Variants in CWF19L2 observed in about 807,000 individuals in gnomAD.
The protein encoded by CWF19L2 is CWF19-like protein 2.
Under a neutral mutation model 111.7 loss-of-function variants are expected in CWF19L2, and 98 were observed. That is an observed-to-expected ratio of 0.88 (90% confidence interval 0.75 to 1.04). The LOEUF (loss-of-function observed/expected upper bound fraction) is 1.04, where lower values mean the gene tolerates loss of function less well. CWF19L2 is among the 50% of genes least tolerant of loss of function. The pLI is 0.00. For missense variants in CWF19L2, 1,101 were observed against 1,051.4 expected (o/e 1.05, Z -0.65); for synonymous variants, 351 against 342.9 (o/e 1.02, Z -0.26).
intron 12 of CWF19L2, among the ~76,000 whole-genome samples, chr11:107,369,603 A>G (rs1860480327): frequency 7.2e-6 from 1 of 138,470 alleles, no homozygotes; most frequent in Non-Finnish European, 1.6e-5. Flanking sequence ...TGTATATTGC[A>G]TTATTTTGAT....
intron 3 of CWF19L2, among the ~76,000 whole-genome samples, chr11:107,447,412 C>T (rs1455985628): frequency 6.6e-6 from 1 of 152,222 alleles, no homozygotes; most frequent in South Asian, 2.1e-4. Context: ...AGAAAAATTA[C>T]CATGGAGAAA....
chr11:107,360,232 T>C (rs1263169830), intron 12 of CWF19L2, among the ~76,000 whole-genome samples: 1 of 152,214 alleles, frequency 6.6e-6, no homozygotes, highest in African/African-American at 2.4e-5. Flanking sequence ...TGTGCCCGAC[T>C]TGTTTCACTT....
chr11:107,349,266 T>C (rs1447554072), intron 13 of CWF19L2, among the ~76,000 whole-genome samples: 1 of 152,188 alleles, frequency 6.6e-6, no homozygotes, highest in Non-Finnish European at 1.5e-5. Flanking sequence ...TAGCTTTTAA[T>C]AAACTGAAAA....
chr11:107,404,101 TCCATGTGAGA>T, intron 10 of CWF19L2: 1 of 773,946 alleles, frequency 1.3e-6, no homozygotes, highest in Non-Finnish European at 2.4e-6. Flanking sequence ...TTCTCCTTTC[TCCATGTGAGA>T]CTGTCTCTGT....
At chr11:107,442,790 GGAAGGGAGGGAGGGAGGGA>G in intron 4 of CWF19L2, 130 bp downstream of exon 4, 13 of 278,450 alleles carry the variant, frequency 4.7e-5, no homozygotes, top group African/African-American at 3.3e-4. Flanking sequence ...AAGGAAGGAA[GGAAGGGAGGGAGGGAGGGA>G]GGGAGGGAGG....
Position 107,390,221 on chromosome 11 carries a change from A to T in CWF19L2, c.1735-10T>A, listed in dbSNP as rs1260826189. 1 of 1,577,498 alleles carries T rather than the reference A, an allele frequency of 6.3e-7. No homozygotes were observed. Among genetic ancestry groups the T allele is most frequent in the Non-Finnish European group, 8.6e-7 (1 of 1,162,602 alleles). ...CCTCATGGGTTGAAACCTATGACAA[A>T]ATGAACATTATTAATTTAATGAAAA... On this transcript the variant is annotated splice_polypyrimidine_tract_variant and intron_variant, in intron 11 of 17. Transcript: ENST00000282251.
chr11:107,383,026 C>T (rs984991711), intron 12 of CWF19L2, among the ~76,000 whole-genome samples: 9 of 152,254 alleles, frequency 5.9e-5, no homozygotes, highest in Non-Finnish European at 1.0e-4. Context: ...GGCAAGGAAG[C>T]GTGCTCTGCA....
chr11:107,404,472 C>G (rs1861050212), intron 10 of CWF19L2: 3 of 765,936 alleles, frequency 3.9e-6, no homozygotes, highest in Non-Finnish European at 4.9e-6. Context: ...CCTCCCAGCC[C>G]TTAGTTGTTG....
chr11:107,404,762 T>C (rs1189343323), intron 10 of CWF19L2, among the ~76,000 whole-genome samples: 1 of 152,210 alleles, frequency 6.6e-6, no homozygotes, highest in Non-Finnish European at 1.5e-5. Flanking sequence ...CAATAAATGC[T>C]TGATAAATGA....
chr11:107,455,859 A>AT lies in CWF19L2; in HGVS notation c.106-84dup, dbSNP rs539466279. The AT allele has an allele frequency of 1.7e-4, 127 of 740,476 alleles. 1 individual carries two copies. In the East Asian group the frequency reaches 3.5e-3, roughly 20 times the overall value. 45.9% of individuals were successfully genotyped at this position (740,476 alleles called of 1,614,324 possible). A position where few individuals can be genotyped will look rare whatever the true frequency, so the allele number is the denominator to read the frequency against. ...AAAAAGGAAAACAAAAACCTCTGTC[A>AT]TTTTTATACAAAAATATCCACTCAT... On this transcript the variant is annotated intron_variant, in intron 1 of 17. Transcript: ENST00000282251.
rs774706679 is a variant in CWF19L2, at chr11:107,420,319, GA to G, written c.1434-2033del. ...TACGTATGTTAAACATAAAAGGATAGAAAAAGATATACCATGTTAATGCTAG... is the reference window on the plus strand; with the variant it reads ...TACGTATGTTAAACATAAAAGGATAGAAAAGATATACCATGTTAATGCTAG... On this transcript the variant is annotated intron_variant, in intron 8 of 17. Transcript: ENST00000282251. Among the ~76,000 whole-genome samples, 8 of 151,994 alleles carry G rather than the reference GA, an allele frequency of 5.3e-5. No homozygotes were observed. The South Asian group carries it at 1.2e-3, about 24-fold the overall frequency.
intron 12 of CWF19L2, among the ~76,000 whole-genome samples, chr11:107,382,326 T>C (rs1259940522): frequency 6.6e-6 from 1 of 152,234 alleles, no homozygotes; most frequent in Non-Finnish European, 1.5e-5. Flanking sequence ...CAGTACTGTT[T>C]AATGTGGACT....
intron 10 of CWF19L2, chr11:107,403,646 T>G: frequency 1.3e-6 from 1 of 776,142 alleles, no homozygotes; most frequent in South Asian, 1.3e-5. Context: ...TTTCTTCTCC[T>G]CACCTTTGTT....
intron 10 of CWF19L2, chr11:107,403,292 T>C: frequency 4.4e-6 from 2 of 456,390 alleles, no homozygotes; most frequent in East Asian, 8.2e-5. Context: ...CACTTCAGAG[T>C]CCAGTCATTC....
At chr11:107,446,807 C>T (rs1416044747) in intron 3 of CWF19L2, among the ~76,000 whole-genome samples, 3 of 152,170 alleles carry the variant, frequency 2.0e-5, no homozygotes, top group African/African-American at 7.2e-5. Flanking sequence ...CACAATTATG[C>T]ACTCACTCAC....
intron 3 of CWF19L2, among the ~76,000 whole-genome samples, chr11:107,450,251 T>C (rs183005259): frequency 6.6e-6 from 1 of 151,934 alleles, no homozygotes; most frequent in Non-Finnish European, 1.5e-5. Context: ...AAAATATATA[T>C]AGATCATAGG....
At chr11:107,434,710 C>CAACAATAT in intron 6 of CWF19L2, among the ~76,000 whole-genome samples, 1 of 142,750 alleles carries the variant, frequency 7.0e-6, no homozygotes, top group East Asian at 2.1e-4. Context: ...CAACTATATA[C>CAACAATAT]AACAATATGG....
chr11:107,340,115 A>C (rs1035942817), intron 14 of CWF19L2, among the ~76,000 whole-genome samples: 3 of 152,122 alleles, frequency 2.0e-5, no homozygotes, highest in Non-Finnish European at 4.4e-5. Context: ...TTCATATCAG[A>C]GTATTTTGCA....
In CWF19L2 at chr11:107,369,113, C is replaced by T. The variant is rs1416301646; in HGVS notation, c.1873-15377G>A. ...AGAATTTAGCTTGGCCAGAATGTAA[C>T]GCCAGTTGCTTCTATGCTAACTATA... is the stretch of plus-strand genomic sequence containing the variant. On this transcript the variant is annotated intron_variant, in intron 12 of 17. Coordinates refer to ENST00000282251, the MANE Select transcript of CWF19L2 (RefSeq NM_152434.3). Among the ~76,000 whole-genome samples, 5 of 137,788 alleles carry T rather than the reference C, an allele frequency of 3.6e-5. 1 individual carries two copies. The highest frequency in any genetic ancestry group is 2.1e-4 in the East Asian group (1 of 4,754). 90.4% of individuals were successfully genotyped at this position (137,788 alleles called of 152,430 possible).
Sources: gnomAD v4.1 joint callset for allele counts (sites outside exome capture counted in the v4.1 genomes callset) on GRCh38, gnomAD v4.1.1 for gene constraint, MANE v1.5 for transcripts, NCBI Gene and HGNC (gene_info 2026-07-23, HGNC 2026-07-21) for gene names.